The following NECAB1 variants were observed in gnomAD, a reference collection of about 807,000 sequenced individuals.
The protein encoded by NECAB1 is N-terminal EF-hand calcium-binding protein 1.
NECAB1 carries 29 observed loss-of-function variants against 57.5 expected under a neutral mutation model. That is an observed-to-expected ratio of 0.50 (90% CI 0.38 to 0.69). NECAB1 has a LOEUF of 0.69. NECAB1 is among the 30% of genes least tolerant of loss of function. The pLI, the probability that NECAB1 is intolerant of heterozygous loss-of-function variation, is 0.00. For synonymous variants in NECAB1, 142 were observed against 147.7 expected (o/e 0.96, Z 0.28); for missense variants, 372 against 413.8 (o/e 0.90, Z 0.88).
At chr8:90,867,790 G>T (rs1808547397) in intron 3 of NECAB1, among the ~76,000 whole-genome samples, 1 of 152,178 alleles carries the variant, frequency 6.6e-6, no homozygotes, top group African/African-American at 2.4e-5. Flanking sequence ...TTCAGTGGCT[G>T]GCCTTGTATG....
Position 90,956,189 on chromosome 8 carries a change from A to C in NECAB1, c.*677A>C, listed in dbSNP as rs541847553. ...ATACAGCAACATTGTGTCATTTATTAGCATCATAATTCTTTGTTATGTAAG... is the reference window on the plus strand; with the variant it reads ...ATACAGCAACATTGTGTCATTTATTCGCATCATAATTCTTTGTTATGTAAG... On this transcript the variant is annotated 3_prime_UTR_variant, in exon 13 of 13. Coordinates refer to ENST00000417640, the MANE Select transcript of NECAB1 (RefSeq NM_022351.5). 6.6e-6 allele frequency: 1 copy of C among 152,180 alleles called. No homozygotes were observed. The highest frequency in any genetic ancestry group is 1.5e-5 in the Non-Finnish European group (1 of 67,932). 9.4% of individuals were successfully genotyped at this position (152,180 alleles called of 1,614,324 possible).
Position 90,955,639 on chromosome 8 carries a change from C to A in NECAB1, c.*127C>A. ...TTTTGTTTGGTATATTTACTAAGTG[C>A]ACTCTTTCAAAACTTATTCTATAAC... On this transcript the variant is annotated 3_prime_UTR_variant, in exon 13 of 13. Coordinates refer to ENST00000417640, the MANE Select transcript of NECAB1 (RefSeq NM_022351.5). 1.7e-6 allele frequency: 1 copy of A among 589,306 alleles called. No individual in the cohort carries two copies. The highest frequency in any genetic ancestry group is 2.8e-6 in the Non-Finnish European group (1 of 354,038). The allele number at this position is 589,306 out of a possible 1,614,324, so 36.5% of individuals were successfully genotyped here.
At chr8:90,833,145 C>T (rs1812318565) in intron 3 of NECAB1, among the ~76,000 whole-genome samples, 1 of 151,982 alleles carries the variant, frequency 6.6e-6, no homozygotes, top group African/African-American at 2.4e-5. Flanking sequence ...ACTCTTTGCA[C>T]ATTTTCCCTC....
intron 5 of NECAB1, among the ~76,000 whole-genome samples, 160 bp from the exon 6 acceptor site, chr8:90,917,332 A>T (rs1809977724): frequency 6.6e-6 from 1 of 151,850 alleles, no homozygotes; most frequent in Non-Finnish European, 1.5e-5. Context: ...GATGAGAGTG[A>T]TGCTGTAGCC....
chr8:90,841,073 T>G (rs920125522), intron 3 of NECAB1, among the ~76,000 whole-genome samples: 1 of 149,614 alleles, frequency 6.7e-6, no homozygotes, highest in Non-Finnish European at 1.5e-5. Flanking sequence ...CTGGCTAACA[T>G]GTGAAACCCT....
chr8:90,906,896 T>C lies in NECAB1; in HGVS notation c.358-10596T>C, dbSNP rs868822550. On this transcript the variant is annotated intron_variant, in intron 5 of 12. Coordinates refer to ENST00000417640, the MANE Select transcript of NECAB1 (RefSeq NM_022351.5). ...ATACACATATATATATATATATATATATATATATATATATCTTCTCACTTT... is the reference window on the plus strand; with the variant it reads ...ATACACATATATATATATATATATACATATATATATATATCTTCTCACTTT... Among the ~76,000 whole-genome samples the C allele has an allele frequency of 5.7e-4, 80 of 140,968 alleles. 2 individuals are homozygous for C. The South Asian group carries it at 0.014, about 24-fold the overall frequency. 92.5% of individuals were successfully genotyped at this position (140,968 alleles called of 152,430 possible).
chr8:90,820,234 C>T (rs926283301), intron 2 of NECAB1, among the ~76,000 whole-genome samples: 11 of 149,374 alleles, frequency 7.4e-5, no homozygotes, highest in African/African-American at 2.7e-4. Flanking sequence ...CATTGAATTT[C>T]AGGTTTTTCA....
chr8:90,940,781 G>T lies in NECAB1; in HGVS notation c.748-5G>T. ...ACGCAGTGACCCTCGCCCCTTCCTT[G>T]GCAGCACATCATGCTTGTGCAGCGG... On this transcript the variant is annotated splice_region_variant and splice_polypyrimidine_tract_variant and intron_variant, in intron 9 of 12. Transcript: ENST00000417640. 6.4e-7 allele frequency: 1 copy of T among 1,555,074 alleles called. No individual in the cohort carries two copies. Among genetic ancestry groups the T allele is most frequent in the Non-Finnish European group, 8.7e-7 (1 of 1,148,610 alleles).
chr8:90,830,349 G>A (rs1812283112), intron 3 of NECAB1, among the ~76,000 whole-genome samples: 1 of 152,020 alleles, frequency 6.6e-6, no homozygotes, highest in Admixed American at 6.6e-5. Context: ...CACAGTCCCA[G>A]GTACTCAGCT....
At chr8:90,809,991 C>T (rs1219273456) in intron 2 of NECAB1, among the ~76,000 whole-genome samples, 1 of 152,086 alleles carries the variant, frequency 6.6e-6, no homozygotes, top group African/African-American at 2.4e-5. Flanking sequence ...AACAATATTG[C>T]AAGGAAGATA....
intron 1 of NECAB1, among the ~76,000 whole-genome samples, chr8:90,797,530 G>A (rs1023017297): frequency 5.3e-5 from 8 of 152,176 alleles, no homozygotes; most frequent in Non-Finnish European, 1.2e-4. Flanking sequence ...CTAAATATAA[G>A]AGTAGCTCTG....
chr8:90,905,922 C>G (rs896526319), intron 5 of NECAB1, among the ~76,000 whole-genome samples: 2 of 152,130 alleles, frequency 1.3e-5, no homozygotes, highest in African/African-American at 4.8e-5. Flanking sequence ...CTTACTGCCT[C>G]TTTTGAAAAC....
At chr8:90,793,971 A>G (rs1811618641) in intron 1 of NECAB1, among the ~76,000 whole-genome samples, 1 of 152,322 alleles carries the variant, frequency 6.6e-6, no homozygotes, top group Non-Finnish European at 1.5e-5. Context: ...AGGTCCCTGT[A>G]CTAAAGGAAC....
chr8:90,949,377 G>T (rs557582536), intron 10 of NECAB1, among the ~76,000 whole-genome samples: 1 of 152,140 alleles, frequency 6.6e-6, no homozygotes, highest in East Asian at 1.9e-4. Context: ...GTATGGCTAA[G>T]AATTTGGCAG....
chr8:90,879,503 C>T (rs2129872694), intron 4 of NECAB1, among the ~76,000 whole-genome samples: 1 of 152,238 alleles, frequency 6.6e-6, no homozygotes, highest in African/African-American at 2.4e-5. Flanking sequence ...TCACAATCCT[C>T]TTTGAGGCAT....
intron 4 of NECAB1, among the ~76,000 whole-genome samples, chr8:90,875,532 TATTTAC>T (rs1808706799): frequency 8.3e-6 from 1 of 120,204 alleles, no homozygotes; most frequent in Admixed American, 8.7e-5. Context: ...GTAGTTGAAA[TATTTAC>T]AGATGAGCGA....
intron 3 of NECAB1, among the ~76,000 whole-genome samples, chr8:90,865,566 T>C (rs993221763): frequency 1.3e-5 from 2 of 152,204 alleles, no homozygotes; most frequent in Admixed American, 6.5e-5. Flanking sequence ...CCTTACCTTA[T>C]GTATCATCTT....
chr8:90,821,852 G>A lies in NECAB1; in HGVS notation c.125-2865G>A, dbSNP rs1586041047. 2.6e-5 allele frequency among the ~76,000 whole-genome samples: 4 copies of A among 151,876 alleles called. No individual in the cohort carries two copies. The South Asian group carries it at 8.3e-4, about 31-fold the overall frequency. Reference sequence around the variant, plus strand: ...GGACCTTGATAAACATTTGATGAAAGAGTGGATAAAGTGCCCTACTAGCAA... The same window carrying A: ...GGACCTTGATAAACATTTGATGAAAAAGTGGATAAAGTGCCCTACTAGCAA... On this transcript the variant is annotated intron_variant, in intron 2 of 12. Transcript: ENST00000417640.
At chr8:90,798,821 C>T (rs112261214) in intron 1 of NECAB1, among the ~76,000 whole-genome samples, 9 of 152,234 alleles carry the variant, frequency 5.9e-5, no homozygotes, top group East Asian at 3.9e-4. Flanking sequence ...TACTCAGTAA[C>T]GGGATTGCAG....
Sources: allele counts gnomAD v4.1 joint callset (sites outside exome capture counted in the v4.1 genomes callset), GRCh38; gene constraint gnomAD v4.1.1; transcripts MANE v1.5; gene names NCBI Gene and HGNC (gene_info 2026-07-23, HGNC 2026-07-21).